FNDC11: variants seen among roughly 807,000 people sequenced by gnomAD.
FNDC11 encodes fibronectin type III domain-containing protein 11.
In FNDC11, 15 loss-of-function variants were observed where a neutral mutation model predicts 15.8. That is an observed-to-expected ratio of 0.95 (90% CI 0.63 to 1.46). FNDC11 has a LOEUF of 1.46. FNDC11 is among the 40% of genes most tolerant of loss of function. The pLI is 0.00. For synonymous variants in FNDC11, 190 were observed against 203.1 expected, an observed-to-expected ratio of 0.94 and a Z score of 0.55; for missense variants, 416 against 443.4, an observed-to-expected ratio of 0.94 and a Z score of 0.55.
Position 63,555,916 on chromosome 20 carries a change from C to G in FNDC11, c.253C>G (p.Leu85Val). 1 of 1,607,484 alleles carries G rather than the reference C, an allele frequency of 6.2e-7. No individual in the cohort carries two copies. Among genetic ancestry groups the G allele is most frequent in the South Asian group, 1.1e-5 (1 of 91,088 alleles). ...SYYIEVLPKH[L>V]ALGDQNPLVL... The stretch of plus-strand genomic sequence containing the variant: ...CTACATCGAGGTCCTGCCCAAGCAC[C>G]TGGCCCTGGGCGACCAGAACCCGCT... The change falls in exon 2 of 2, where the codon CTG becomes GTG. Residue 85 changes from leucine (L) to valine (V), a missense_variant. Physicochemically the swap from Leu to Val is conservative, Grantham distance 32 (BLOSUM62 1). Transcript: ENST00000370097.
chr20:63,553,558 C>T (rs1396241133), upstream of FNDC11, among the ~76,000 whole-genome samples: 1 of 82,052 alleles, frequency 1.2e-5, no homozygotes, highest in African/African-American at 3.7e-5. Context: ...GGGGGGAGCC[C>T]GCGGTGGGAG....
chr20:63,555,831 G>C lies in FNDC11; in HGVS notation c.168G>C (p.Leu56=), dbSNP rs2082803535. Reference sequence around the variant, plus strand: ...TGCGTGAGTTCCTGACCTCGGACCTGAGTCCGCACCTGCTCAAGCGCCACC... The same window carrying C: ...TGCGTGAGTTCCTGACCTCGGACCTCAGTCCGCACCTGCTCAAGCGCCACC... ...NALREFLTSD[L]SPHLLKRHHA... Residue 56 remains leucine (L), a synonymous_variant, in exon 2 of 2, where the codon CTG becomes CTC. Coordinates refer to ENST00000370097, the MANE Select transcript of FNDC11 (RefSeq NM_001319152.2). 6.2e-7 allele frequency: 1 copy of C among 1,613,430 alleles called. No homozygotes were observed. The highest frequency in any genetic ancestry group is 1.3e-5 in the African/African-American group (1 of 74,940).
In FNDC11 at chr20:63,556,654, G is replaced by C. The variant is rs1327059276; in HGVS notation, c.*34G>C. On this transcript the variant is annotated 3_prime_UTR_variant, in exon 2 of 2. Transcript: ENST00000370097. The stretch of plus-strand genomic sequence containing the variant: ...TTTCTAATATTTATCCACTAATAAA[G>C]AAGAGTGTAAATGCACATATGGAAT... 6.4e-7 allele frequency: 1 copy of C among 1,566,082 alleles called. No homozygotes were observed. The highest frequency in any genetic ancestry group is 2.3e-5 in the East Asian group (1 of 44,370).
intron 1 of FNDC11, chr20:63,554,887 C>T (rs1030708928): frequency 6.6e-6 from 1 of 152,318 alleles, no homozygotes; most frequent in East Asian, 1.9e-4. Context: ...GGAGCTGCGG[C>T]AGAGCCTGGG....
At position 63,556,266 on chromosome 20, in the gene FNDC11, G is replaced by C. The variant is rs765949407; in HGVS notation, c.603G>C (p.Trp201Cys). ...DVSATKIPHI[W>C]LMLSTKMPVV... ...GTGCCACCAAGATCCCGCACATCTG[G>C]CTCATGCTGAGCACCAAGATGCCTG... Residue 201 changes from tryptophan to cysteine, a missense_variant, in exon 2 of 2, where the codon TGG (tryptophan) becomes TGC (cysteine). By Grantham distance (215) the Trp-to-Cys change is radical (BLOSUM62 -2). Coordinates refer to ENST00000370097, the MANE Select transcript of FNDC11 (RefSeq NM_001319152.2). 6.3e-6 allele frequency: 10 copies of C among 1,599,552 alleles called. No individual in the cohort carries two copies. Among genetic ancestry groups the C allele is most frequent in the African/African-American group, 1.3e-5 (1 of 74,736 alleles).
rs764814858 is a variant in FNDC11 at position 63,556,257 on chromosome 20, G to A, written c.594G>A (p.Pro198=). 3.8e-6 allele frequency: 6 copies of A among 1,596,066 alleles called. No homozygotes were observed. Among genetic ancestry groups the A allele is most frequent in the Non-Finnish European group, 5.1e-6 (6 of 1,167,482 alleles). The part of the protein sequence containing the change: ...LVSDVSATKI[P]HIWLMLSTKM... ...CTGATGTCAGTGCCACCAAGATCCC[G>A]CACATCTGGCTCATGCTGAGCACCA... The change falls in exon 2 of 2, where the codon CCG becomes CCA. Residue 198 remains proline (P), a synonymous_variant. Coordinates refer to ENST00000370097, the MANE Select transcript of FNDC11 (RefSeq NM_001319152.2).
At position 63,556,388 on chromosome 20, in the gene FNDC11, T is replaced by G. The variant is rs781664539; in HGVS notation, c.725T>G (p.Leu242Trp). 1.2e-6 allele frequency: 2 copies of G among 1,612,818 alleles called. No homozygotes were observed. The highest frequency in any genetic ancestry group is 3.3e-5 in the Admixed American group (2 of 60,036). ...IQPATSEQYE[L>W]RFRLLDPRTQ... ...CCAGCCACATCGGAGCAGTATGAGT[T>G]GCGCTTCAGGCTGCTGGACCCGCGG... is the stretch of plus-strand genomic sequence containing the variant. Residue 242 changes from leucine (L) to tryptophan (W), a missense_variant, in exon 2 of 2, where the codon TTG (leucine) becomes TGG (tryptophan). Leu to Trp is a moderately conservative substitution (Grantham distance 61). Transcript: ENST00000370097.
upstream of FNDC11, among the ~76,000 whole-genome samples, chr20:63,553,564 G>T (rs1476902121): frequency 7.8e-6 from 1 of 128,888 alleles, no homozygotes; most frequent in Non-Finnish European, 1.5e-5. Context: ...AGCCCGCGGT[G>T]GGAGGAGCCT....
At chr20:63,553,497 C>T (rs1253324129), upstream of FNDC11, among the ~76,000 whole-genome samples, 4 of 72,338 alleles carry the variant, frequency 5.5e-5, no homozygotes, top group Admixed American at 3.7e-4. Context: ...GGGGAGCCCG[C>T]GGTGGGAGGA....
At position 63,556,519 on chromosome 20, in the gene FNDC11, G is replaced by A. The variant is rs1206399503; in HGVS notation, c.856G>A (p.Ala286Thr). The change falls in exon 2 of 2, where the codon GCC becomes ACC. Residue 286 changes from alanine to threonine, a missense_variant. Transcript: ENST00000370097. The part of the protein sequence containing the change: ...NRSYKFTIKR[A>T]ETSTLVYEPW... ...ATCCTATAAGTTCACCATCAAGAGGGCCGAGACCTCCACGCTGGTGTACGA... is the reference window on the plus strand; with the variant it reads ...ATCCTATAAGTTCACCATCAAGAGGACCGAGACCTCCACGCTGGTGTACGA... The A allele has an allele frequency of 1.2e-6, 2 of 1,608,882 alleles. No individual in the cohort carries two copies. The highest frequency in any genetic ancestry group is 1.7e-5 in the Admixed American group (1 of 59,506).
rs759272761 is a variant in FNDC11, at chr20:63,555,641, G to C, written c.-10-13G>C. 1 of 1,583,104 alleles carries C rather than the reference G, an allele frequency of 6.3e-7. No individual in the cohort carries two copies. Among genetic ancestry groups the C allele is most frequent in the Non-Finnish European group, 8.6e-7 (1 of 1,161,856 alleles). ...CAGCCTGCCTGGCAGCTGACACCCAGCCCTCCCCCCAGCTCCCGGATAATG... is the reference window on the plus strand; with the variant it reads ...CAGCCTGCCTGGCAGCTGACACCCACCCCTCCCCCCAGCTCCCGGATAATG... On this transcript the variant is annotated splice_polypyrimidine_tract_variant and intron_variant, in intron 1 of 1. Transcript: ENST00000370097.
chr20:63,555,775 T>C lies in FNDC11; in HGVS notation c.112T>C (p.Trp38Arg), dbSNP rs755123776. 1 of 1,613,304 alleles carries C rather than the reference T, an allele frequency of 6.2e-7. No homozygotes were observed. The highest frequency in any genetic ancestry group is 1.7e-5 in the Admixed American group (1 of 60,020). The change falls in exon 2 of 2, where the codon TGG (tryptophan) becomes CGG (arginine). Residue 38 changes from tryptophan (W) to arginine (R), a missense_variant. Transcript: ENST00000370097. ...DDQQLLEPEA[W>R]KTYTERRNAL... ...CCAGCAGCTGCTGGAACCAGAGGCG[T>C]GGAAGACCTACACCGAGCGCCGCAA...
chr20:63,554,635 G>C (rs1191424223), intron 1 of FNDC11: 1 of 152,308 alleles, frequency 6.6e-6, no homozygotes, highest in African/African-American at 2.4e-5. Flanking sequence ...CTGCCCCCAG[G>C]GGCCTGTTCT....
rs775630332 is a variant in FNDC11 at position 63,556,547 on chromosome 20, C to T, written c.884C>T (p.Pro295Leu). ...RAETSTLVYE[P>L]WRDSLTLHTK... ...GAGACCTCCACGCTGGTGTACGAGC[C>T]CTGGAGGGACAGCCTCACCCTGCAC... The change falls in exon 2 of 2, where the codon CCC becomes CTC. Residue 295 changes from proline (P) to leucine (L), a missense_variant. By Grantham distance (98) the Pro-to-Leu change is moderately conservative. Transcript: ENST00000370097. The T allele has an allele frequency of 5.0e-6, 8 of 1,613,428 alleles. No individual in the cohort carries two copies. Among genetic ancestry groups the T allele is most frequent in the Non-Finnish European group, 6.8e-6 (8 of 1,180,040 alleles).
At chr20:63,553,352 C>A (rs994849469), upstream of FNDC11, among the ~76,000 whole-genome samples, 6 of 113,928 alleles carry the variant, frequency 5.3e-5, no homozygotes, top group African/African-American at 1.6e-4. Context: ...GTGGGAGGAG[C>A]CTGTAGTGGG....
chr20:63,553,273 G>A (rs1308628401), upstream of FNDC11, among the ~76,000 whole-genome samples: 1 of 152,198 alleles, frequency 6.6e-6, no homozygotes, highest in Non-Finnish European at 1.5e-5. Context: ...CTGGAGCTAT[G>A]GAGACCCCAT....
At chr20:63,555,508 C>A in intron 1 of FNDC11, 146 bp from the exon 2 acceptor site, 1 of 1,319,874 alleles carries the variant, frequency 7.6e-7, no homozygotes, top group Non-Finnish European at 1.0e-6. Flanking sequence ...ATCCAGCCCT[C>A]CAGGCAGCCT....
At chr20:63,553,772 C>T (rs1489517701), upstream of FNDC11, 2 of 152,594 alleles carry the variant, frequency 1.3e-5, no homozygotes, top group Non-Finnish European at 2.9e-5. Flanking sequence ...GGTGGTCCAT[C>T]CGCCTGGTCA....
At position 63,555,687 on chromosome 20, in the gene FNDC11, G is replaced by T; in HGVS notation, c.24G>T (p.Leu8=). 1 of 1,609,888 alleles carries T rather than the reference G, an allele frequency of 6.2e-7. No homozygotes were observed. The highest frequency in any genetic ancestry group is 8.5e-7 in the Non-Finnish European group (1 of 1,178,060). The change falls in exon 2 of 2, where the codon CTG becomes CTT. Residue 8 remains leucine, a synonymous_variant. Transcript: ENST00000370097. The stretch of plus-strand genomic sequence containing the variant: ...TAATGAGCACCCATGTGGCAGGCCT[G>T]GGCCTGGACAAGATGAAGCTGGGCA... MSTHVAG[L]GLDKMKLGNP...
Sources: allele counts gnomAD v4.1 joint callset (sites outside exome capture counted in the v4.1 genomes callset), GRCh38; gene constraint gnomAD v4.1.1; transcripts MANE v1.5; gene names NCBI Gene and HGNC (gene_info 2026-07-23, HGNC 2026-07-21).